Variants in STRN observed in about 807,000 individuals in gnomAD.
STRN encodes striatin.
Under a neutral mutation model 96.3 loss-of-function variants are expected in STRN, and 53 were observed. The ratio of observed to expected loss-of-function variants is 0.55; its 90% CI spans 0.44 to 0.69. The LOEUF is 0.69. STRN is among the 30% of genes least tolerant of loss of function. The pLI is 0.00. For missense variants in STRN, 987 were observed against 963.9 expected (o/e 1.02, Z -0.32); for synonymous variants, 428 against 355.9 (o/e 1.20, Z -2.28).
chr2:36,889,001 T>G (rs1464076759), intron 7 of STRN, among the ~76,000 whole-genome samples: 1 of 152,108 alleles, frequency 6.6e-6, no homozygotes, highest in South Asian at 2.1e-4. Context: ...CTATTTTGAA[T>G]TGTAACCTGC....
At chr2:36,928,212 T>G (rs1228925509) in intron 1 of STRN, among the ~76,000 whole-genome samples, 6 of 151,880 alleles carry the variant, frequency 4.0e-5, no homozygotes, top group Non-Finnish European at 5.9e-5. Flanking sequence ...TCTTTTAAAA[T>G]AAAGATTAAA....
chr2:36,882,863 T>C (rs1669110492), intron 9 of STRN, among the ~76,000 whole-genome samples: 2 of 152,160 alleles, frequency 1.3e-5, no homozygotes, highest in African/African-American at 4.8e-5. Flanking sequence ...AGCCTAAATA[T>C]GTACTTCAAA....
intron 12 of STRN, among the ~76,000 whole-genome samples, chr2:36,863,522 T>C (rs1275609265): frequency 6.6e-6 from 1 of 152,198 alleles, no homozygotes; most frequent in Admixed American, 6.5e-5. Flanking sequence ...TCTGTTTCAT[T>C]GGTCTATGCT....
chr2:36,860,882 T>G (rs1668461681), intron 13 of STRN, among the ~76,000 whole-genome samples: 1 of 152,222 alleles, frequency 6.6e-6, no homozygotes, highest in Admixed American at 6.5e-5. Flanking sequence ...CAGTCAAGCC[T>G]GTATTTCCAA....
chr2:36,879,490 C>A (rs1369287029), intron 9 of STRN, among the ~76,000 whole-genome samples: 1 of 152,194 alleles, frequency 6.6e-6, no homozygotes, highest in African/African-American at 2.4e-5. Context: ...TTGAACATAA[C>A]AATCCAATTC....
intron 3 of STRN, among the ~76,000 whole-genome samples, chr2:36,910,350 AT>A (rs1253222496): frequency 6.6e-6 from 1 of 152,192 alleles, no homozygotes; most frequent in East Asian, 1.9e-4. Flanking sequence ...TCATATTAGT[AT>A]TTAAATATCT....
chr2:36,952,750 G>A (rs1489526397), intron 1 of STRN, among the ~76,000 whole-genome samples: 1 of 152,166 alleles, frequency 6.6e-6, no homozygotes, highest in Non-Finnish European at 1.5e-5. Context: ...TGAATTACTA[G>A]GGCCATGGAT....
At chr2:36,888,193 C>G (rs1243215331) in intron 7 of STRN, among the ~76,000 whole-genome samples, 1 of 152,236 alleles carries the variant, frequency 6.6e-6, no homozygotes, top group Non-Finnish European at 1.5e-5. Flanking sequence ...ACATCTACTA[C>G]TACTCTGATC....
At chr2:36,877,856 C>T in intron 10 of STRN, 35 bp downstream of exon 10, 1 of 1,609,598 alleles carries the variant, frequency 6.2e-7, no homozygotes, top group Non-Finnish European at 8.5e-7. Context: ...TTTTAAAAAC[C>T]AAGTAAACAC....
chr2:36,855,484 A>G (rs1255199421), intron 14 of STRN, 132 bp from the exon 15 acceptor site: 2 of 840,342 alleles, frequency 2.4e-6, no homozygotes, highest in Non-Finnish European at 3.6e-6. Context: ...AATAAGAATT[A>G]GCTCATAACT....
Position 36,869,734 on chromosome 2 carries a change from T to C in STRN, c.1324-5A>G, listed in dbSNP as rs763901926. The C allele has an allele frequency of 6.4e-7, 1 of 1,574,256 alleles. No individual in the cohort carries two copies. The highest frequency in any genetic ancestry group is 1.9e-5 in the Admixed American group (1 of 52,968). On this transcript the variant is annotated splice_polypyrimidine_tract_variant and splice_region_variant and intron_variant, in intron 10 of 17. Coordinates refer to ENST00000263918, the MANE Select transcript of STRN (RefSeq NM_003162.4). Reference sequence around the variant, plus strand: ...TGCATCTTTATTGTTTGCTATCTATTAAAGAAACAAAACAAAGATATCTAC... The same window carrying C: ...TGCATCTTTATTGTTTGCTATCTATCAAAGAAACAAAACAAAGATATCTAC...
chr2:36,916,239 C>A, intron 2 of STRN, 88 bp from the exon 3 acceptor site: 1 of 1,094,028 alleles, frequency 9.1e-7, no homozygotes, highest in South Asian at 1.3e-5. Flanking sequence ...ATTCAGTAGT[C>A]CTGGCTGAAC....
chr2:36,916,202 A>G (rs747224290), intron 2 of STRN, 51 bp from the exon 3 acceptor site: 1 of 1,473,430 alleles, frequency 6.8e-7, no homozygotes, highest in South Asian at 1.2e-5. Context: ...GTTTAAATTA[A>G]CATACACAAT....
intron 9 of STRN, among the ~76,000 whole-genome samples, chr2:36,879,197 A>C (rs1669002297): frequency 6.6e-6 from 1 of 151,900 alleles, no homozygotes; most frequent in Non-Finnish European, 1.5e-5. Context: ...CAGCCTCCCA[A>C]GTAGCTGGGA....
At chr2:36,938,378 AT>A (rs1286316073) in intron 1 of STRN, among the ~76,000 whole-genome samples, 1 of 151,892 alleles carries the variant, frequency 6.6e-6, no homozygotes, top group Admixed American at 6.6e-5. Flanking sequence ...GGGAGCCAAG[AT>A]CATGTCACTG....
At chr2:36,915,805 G>C (rs1383865178) in intron 3 of STRN, among the ~76,000 whole-genome samples, 1 of 152,180 alleles carries the variant, frequency 6.6e-6, no homozygotes, top group African/African-American at 2.4e-5. Context: ...ACAAGGTTAT[G>C]CTGGTGCATG....
intron 2 of STRN, 49 bp downstream of exon 2, chr2:36,925,056 C>A: frequency 6.4e-7 from 1 of 1,563,796 alleles, no homozygotes; most frequent in South Asian, 1.1e-5. Context: ...AACTCCGTCT[C>A]AAAACAAATA....
rs1251647992 is a variant in STRN at position 36,906,413 on chromosome 2, C to T, written c.413-795G>A. On this transcript the variant is annotated intron_variant, in intron 3 of 17. Transcript: ENST00000263918. ...AGACGAGGCTGCAGTGAGCTGTGAT[C>T]GTGCCACTGTACTCCAGCCTAGGCA... Among the ~76,000 whole-genome samples the T allele has an allele frequency of 4.6e-5, 7 of 151,928 alleles. No homozygotes were observed. The East Asian group carries it at 1.4e-3, about 29-fold the overall frequency.
intron 1 of STRN, among the ~76,000 whole-genome samples, chr2:36,962,121 T>C (rs1367246877): frequency 6.6e-6 from 1 of 152,242 alleles, no homozygotes; most frequent in Non-Finnish European, 1.5e-5. Flanking sequence ...ATCTGTATTT[T>C]TGCTGTTGTA....
Sources: allele counts gnomAD v4.1 joint callset (sites outside exome capture counted in the v4.1 genomes callset), GRCh38; gene constraint gnomAD v4.1.1; transcripts MANE v1.5; gene names NCBI Gene and HGNC (gene_info 2026-07-23, HGNC 2026-07-21).